Variants in RPTOR observed in about 807,000 individuals in gnomAD.
The protein encoded by RPTOR is regulatory-associated protein of mTOR.
In RPTOR, 21 loss-of-function variants were observed where a neutral mutation model predicts 169.9. That is an observed-to-expected ratio of 0.12 (90% CI 0.09 to 0.18). RPTOR has a LOEUF of 0.18. Ranked by LOEUF, RPTOR falls within the 10% of genes least tolerant of loss-of-function variation. The pLI is 1.00. For synonymous variants in RPTOR, 732 were observed against 753.2 expected (o/e 0.97, Z 0.46); for missense variants, 1,133 against 1,855.9 (o/e 0.61, Z 7.16).
At chr17:80,759,987 A>G (rs1390006516) in intron 6 of RPTOR, among the ~76,000 whole-genome samples, 3 of 152,168 alleles carry the variant, frequency 2.0e-5, no homozygotes, top group Non-Finnish European at 2.9e-5. Context: ...TTCGCATTAT[A>G]CTAGAGTTCC....
At chr17:80,917,612 A>G (rs1428531425) in intron 21 of RPTOR, among the ~76,000 whole-genome samples, 1 of 152,092 alleles carries the variant, frequency 6.6e-6, no homozygotes, top group Non-Finnish European at 1.5e-5. Flanking sequence ...CACTGCTAAA[A>G]CTGTCTTTAC....
At chr17:80,676,737 G>A (rs1274696587) in intron 3 of RPTOR, among the ~76,000 whole-genome samples, 2 of 152,216 alleles carry the variant, frequency 1.3e-5, no homozygotes, top group Non-Finnish European at 2.9e-5. Flanking sequence ...GCTGAACTGC[G>A]GTCCCCACTG....
At chr17:80,828,823 T>C (rs570414966) in intron 9 of RPTOR, among the ~76,000 whole-genome samples, 3 of 152,058 alleles carry the variant, frequency 2.0e-5, no homozygotes, top group Admixed American at 6.5e-5. Context: ...CCTAACAGAA[T>C]AGGAACGTAA....
intron 6 of RPTOR, among the ~76,000 whole-genome samples, chr17:80,770,816 A>T (rs1318178765): frequency 6.6e-6 from 1 of 152,232 alleles, no homozygotes; most frequent in Admixed American, 6.5e-5. Context: ...CCCCAGCAGA[A>T]CCAGCAATAA....
chr17:80,960,043 C>T lies in RPTOR; in HGVS notation c.3478-35C>T. ...ACAGCAGGGAGGGTGGCTCGGTGCC[C>T]CGGTCTTCACCGGGCTGCCTGTGTT... is the stretch of plus-strand genomic sequence containing the variant. On this transcript the variant is annotated intron_variant, in intron 29 of 33. Transcript: ENST00000306801. This position sits in a 1 kb window ranked among gnomAD's most constrained non-coding sequence, Gnocchi z 4.8. The T allele has an allele frequency of 6.2e-7, 1 of 1,609,204 alleles. No homozygotes were observed. The highest frequency in any genetic ancestry group is 1.1e-5 in the South Asian group (1 of 90,984).
chr17:80,843,136 C>T (rs535504574), intron 10 of RPTOR, among the ~76,000 whole-genome samples: 1 of 152,176 alleles, frequency 6.6e-6, no homozygotes, highest in African/African-American at 2.4e-5. Flanking sequence ...TGCAAAGAAC[C>T]TGCTGGATTT....
chr17:80,730,805 T>G lies in RPTOR; in HGVS notation c.654+99T>G. 1 of 1,198,200 alleles carries G rather than the reference T, an allele frequency of 8.3e-7. No homozygotes were observed. Among genetic ancestry groups the G allele is most frequent in the South Asian group, 1.3e-5 (1 of 74,448 alleles). The allele number at this position is 1,198,200 out of a possible 1,614,324, so 74.2% of individuals were successfully genotyped here. A position where few individuals can be genotyped will look rare whatever the true frequency, so the allele number is the denominator to read the frequency against. The stretch of plus-strand genomic sequence containing the variant: ...AGGTTGGGAGGTGTTGGACATCCTC[T>G]GAATGGAGCAGGGCTCAGAATGCCA... On this transcript the variant is annotated intron_variant, in intron 5 of 33. Transcript: ENST00000306801. The surrounding 1 kb of genome is among the most constrained non-coding windows in gnomAD (Gnocchi z 4.2).
Position 80,878,043 on chromosome 17 carries a change from G to A in RPTOR, c.1510-2372G>A, listed in dbSNP as rs1176804134. On this transcript the variant is annotated intron_variant, in intron 13 of 33. Transcript: ENST00000306801. This position sits in a 1 kb window ranked among gnomAD's most constrained non-coding sequence, Gnocchi z 4.1. Reference sequence around the variant, plus strand: ...CTGCCTCAGTGGGAAAGGGCCAGCTGTGCAGGGCTGCACTGGAGAGCCGTT... The same window carrying A: ...CTGCCTCAGTGGGAAAGGGCCAGCTATGCAGGGCTGCACTGGAGAGCCGTT... 2.0e-5 allele frequency among the ~76,000 whole-genome samples: 3 copies of A among 152,258 alleles called. No individual in the cohort carries two copies. The highest frequency in any genetic ancestry group is 4.4e-5 in the Non-Finnish European group (3 of 68,050).
chr17:80,828,302 T>G (rs1206167365), intron 9 of RPTOR, among the ~76,000 whole-genome samples: 2 of 152,184 alleles, frequency 1.3e-5, no homozygotes, highest in African/African-American at 4.8e-5. Context: ...AGGAAGGATG[T>G]GCGCCTCATA....
chr17:80,688,975 C>T, intron 3 of RPTOR, among the ~76,000 whole-genome samples: 1 of 152,218 alleles, frequency 6.6e-6, no homozygotes, highest in Non-Finnish European at 1.5e-5. Flanking sequence ...GCCTCTCCTG[C>T]AGAACGGCAG....
At chr17:80,832,480 C>T (rs1051389609) in intron 9 of RPTOR, among the ~76,000 whole-genome samples, 4 of 152,216 alleles carry the variant, frequency 2.6e-5, no homozygotes, top group Non-Finnish European at 5.9e-5. Flanking sequence ...GGGAATGTGG[C>T]CTCCACCTTG....
chr17:80,700,688 G>A (rs1567864565), intron 3 of RPTOR, among the ~76,000 whole-genome samples: 7 of 96,630 alleles, frequency 7.2e-5, no homozygotes, highest in East Asian at 6.5e-4. Context: ...GGAGGTGGTG[G>A]TGATGGTGAT....
intron 6 of RPTOR, among the ~76,000 whole-genome samples, chr17:80,769,849 T>C (rs2066824426): frequency 6.6e-6 from 1 of 151,720 alleles, no homozygotes; most frequent in African/African-American, 2.4e-5. Context: ...GAGGGCGGGG[T>C]CCGTGACCAT....
In RPTOR at chr17:80,730,440, A is replaced by C. The variant is rs12946115; in HGVS notation, c.508-120A>C. Reference sequence around the variant, plus strand: ...TTTTTATAGTTTTGTATAAAGGCTAACTCAGCGTCTCTCCAGCCACCAGGC... The same window carrying C: ...TTTTTATAGTTTTGTATAAAGGCTACCTCAGCGTCTCTCCAGCCACCAGGC... On this transcript the variant is annotated intron_variant, in intron 4 of 33. Coordinates refer to ENST00000306801, the MANE Select transcript of RPTOR (RefSeq NM_020761.3). The surrounding 1 kb of genome is among the most constrained non-coding windows in gnomAD (Gnocchi z 4.2). The C allele has an allele frequency of 0.22, 241,597 of 1,107,198 alleles. 28,369 individuals carry two copies. Among genetic ancestry groups the C allele is most frequent in the East Asian group, 0.27 (11,282 of 41,248 alleles). 68.6% of individuals were successfully genotyped at this position (1,107,198 alleles called of 1,614,324 possible).
In RPTOR at chr17:80,665,530, C is replaced by G. The variant is rs1171452041; in HGVS notation, c.348+21720C>G. 2.4e-4 allele frequency among the ~76,000 whole-genome samples: 20 copies of G among 81,890 alleles called. 6 individuals carry two copies. Among genetic ancestry groups the G allele is most frequent in the Non-Finnish European group, 5.2e-4 (19 of 36,816 alleles). 53.7% of individuals were successfully genotyped at this position (81,890 alleles called of 152,430 possible). ...TGTCCTTTCCTTTCCTTTCCATGTC[C>G]TTTCCTTTCCTTTTCCTTTCCCCTT... On this transcript the variant is annotated intron_variant, in intron 3 of 33. Coordinates refer to ENST00000306801, the MANE Select transcript of RPTOR (RefSeq NM_020761.3).
At chr17:80,582,879 C>A (rs976125732) in intron 1 of RPTOR, among the ~76,000 whole-genome samples, 2 of 151,322 alleles carry the variant, frequency 1.3e-5, no homozygotes, top group African/African-American at 4.8e-5. Context: ...AAAAATTTTT[C>A]ACAATTTTTA....
At chr17:80,899,074 A>G (rs990731777) in intron 20 of RPTOR, among the ~76,000 whole-genome samples, 1 of 152,098 alleles carries the variant, frequency 6.6e-6, no homozygotes, top group African/African-American at 2.4e-5. Flanking sequence ...CAACCCAGAC[A>G]CGCCAGCTTA....
chr17:80,900,456 A>G (rs1002463448), intron 20 of RPTOR, among the ~76,000 whole-genome samples: 11 of 152,130 alleles, frequency 7.2e-5, no homozygotes, highest in Non-Finnish European at 1.0e-4. Context: ...AGCTGGGATT[A>G]CAGGCGCATG....
At chr17:80,905,691 G>C (rs2068533372) in intron 20 of RPTOR, among the ~76,000 whole-genome samples, 1 of 152,118 alleles carries the variant, frequency 6.6e-6, no homozygotes, top group South Asian at 2.1e-4. Context: ...CTTACCTGGA[G>C]TGTCCTGTGG....
Sources: gnomAD v4.1 joint callset for allele counts (sites outside exome capture counted in the v4.1 genomes callset) on GRCh38, gnomAD v4.1.1 for gene constraint, Gnocchi (gnomAD v3.1) non-coding constraint, MANE v1.5 for transcripts, NCBI Gene and HGNC (gene_info 2026-07-23, HGNC 2026-07-21) for gene names.